Variants in OPA1 observed in about 807,000 individuals in gnomAD.
OPA1 encodes the protein dynamin-like GTPase OPA1, mitochondrial.
OPA1 carries 59 observed loss-of-function variants against 152.9 expected under a neutral mutation model. The observed-to-expected ratio is 0.39, with a 90% confidence interval of 0.31 to 0.48. The LOEUF (loss-of-function observed/expected upper bound fraction) is 0.48, where lower values mean the gene tolerates loss of function less well. Among genes scored for constraint, OPA1 ranks in the 20% least tolerant of loss-of-function variants. The pLI is 0.96. For missense variants in OPA1, 1,008 were observed against 1,216.8 expected (o/e 0.83, Z 2.55); for synonymous variants, 400 against 389.9 (o/e 1.03, Z -0.31).
At chr3:193,656,020 A>G (rs889106371) in intron 22 of OPA1, among the ~76,000 whole-genome samples, 3 of 152,108 alleles carry the variant, frequency 2.0e-5, no homozygotes, top group Admixed American at 1.3e-4. Context: ...GAACTCCAGC[A>G]GCCTCCCTGC....
chr3:193,687,459 A>C (rs1721072050), intron 29 of OPA1, among the ~76,000 whole-genome samples: 1 of 152,204 alleles, frequency 6.6e-6, no homozygotes, highest in Admixed American at 6.5e-5. Flanking sequence ...GTAAATCACA[A>C]ATTTTATTCT....
intron 1 of OPA1, among the ~76,000 whole-genome samples, chr3:193,605,520 T>C (rs1727119721): frequency 6.6e-6 from 1 of 152,238 alleles, no homozygotes; most frequent in Non-Finnish European, 1.5e-5. Flanking sequence ...TTCTACACTT[T>C]TAATTCTTCC....
intron 6 of OPA1, among the ~76,000 whole-genome samples, chr3:193,623,563 C>T (rs1730538358): frequency 6.6e-6 from 1 of 151,970 alleles, no homozygotes; most frequent in African/African-American, 2.4e-5. Context: ...GTCAAACTGA[C>T]AATAGCCAGG....
intron 1 of OPA1, among the ~76,000 whole-genome samples, chr3:193,593,883 T>C (rs2108758616): frequency 1.3e-5 from 2 of 152,190 alleles, no homozygotes; most frequent in South Asian, 4.2e-4. Context: ...TGGGCTCTTC[T>C]ATCGGGGAAA....
At position 193,643,115 on chromosome 3, in the gene OPA1, C is replaced by A. The variant is rs1734026310; in HGVS notation, c.1305+66C>A. 4 of 1,340,176 alleles carry A rather than the reference C, an allele frequency of 3.0e-6. No individual in the cohort carries two copies. The South Asian group carries it at 3.6e-5, about 12-fold the overall frequency. The allele number at this position is 1,340,176 out of a possible 1,614,324, so 83.0% of individuals were successfully genotyped here. Reference sequence around the variant, plus strand: ...TAAATGTTTATGATTTCAAATAAATCAAAATCTAGGTATTGATGTTTAGAT... The same window carrying A: ...TAAATGTTTATGATTTCAAATAAATAAAAATCTAGGTATTGATGTTTAGAT... On this transcript the variant is annotated intron_variant, in intron 13 of 30. Coordinates refer to ENST00000361510, the MANE Select transcript of OPA1 (RefSeq NM_130837.3).
chr3:193,617,729 G>A, intron 4 of OPA1, 55 bp from the exon 5 acceptor site: 1 of 1,291,840 alleles, frequency 7.7e-7, no homozygotes. Flanking sequence ...ATCTTTGTTT[G>A]CTCATTTCTG....
At chr3:193,679,272 GA>G (rs200112005) in intron 29 of OPA1, among the ~76,000 whole-genome samples, 32 of 136,250 alleles carry the variant, frequency 2.3e-4, no homozygotes, top group Non-Finnish European at 3.0e-4. Context: ...AAATAACGGG[GA>G]AAAAAAAGGT....
At chr3:193,643,886 T>G (rs1458380139) in intron 15 of OPA1, 89 bp from the exon 16 acceptor site, 32 of 1,346,928 alleles carry the variant, frequency 2.4e-5, no homozygotes, top group Admixed American at 5.4e-5. Context: ...CTTGCTATAA[T>G]GTAGACACAG....
chr3:193,595,491 A>G (rs1437803292), intron 1 of OPA1, among the ~76,000 whole-genome samples: 3 of 152,214 alleles, frequency 2.0e-5, no homozygotes, highest in African/African-American at 7.2e-5. Context: ...TATATTCAAA[A>G]TTCTTTTCCT....
chr3:193,658,526 G>A (rs1329901060), intron 23 of OPA1, among the ~76,000 whole-genome samples: 2 of 152,072 alleles, frequency 1.3e-5, no homozygotes, highest in South Asian at 2.1e-4. Flanking sequence ...GGCAAAAAGC[G>A]ATGAACATGA....
intron 29 of OPA1, among the ~76,000 whole-genome samples, chr3:193,688,907 G>A: frequency 6.6e-6 from 1 of 152,160 alleles, no homozygotes; most frequent in Admixed American, 6.5e-5. Context: ...AATCGCTTGA[G>A]CCTGGGAGGT....
intron 26 of OPA1, among the ~76,000 whole-genome samples, 162 bp from the exon 27 acceptor site, chr3:193,664,718 A>T (rs1716118409): frequency 6.6e-6 from 1 of 152,130 alleles, no homozygotes; most frequent in African/African-American, 2.4e-5. Context: ...GCCTTAAAAA[A>T]AGTAAGTGAA....
At chr3:193,631,747 T>G (rs1226091558) in intron 8 of OPA1, 82 bp downstream of exon 8, 4 of 1,194,070 alleles carry the variant, frequency 3.3e-6, no homozygotes, top group Non-Finnish European at 5.0e-6. Context: ...CATTTATTTT[T>G]TCAACAGAGC....
chr3:193,692,508 TAGAA>T (rs1250598798), intron 30 of OPA1, among the ~76,000 whole-genome samples: 1 of 152,244 alleles, frequency 6.6e-6, no homozygotes. Flanking sequence ...ATATTTAACT[TAGAA>T]AGTTTTCTGT....
At chr3:193,597,572 T>C (rs1030441137) in intron 1 of OPA1, among the ~76,000 whole-genome samples, 5 of 151,048 alleles carry the variant, frequency 3.3e-5, no homozygotes, top group African/African-American at 1.2e-4. Context: ...GTCCCTGTAA[T>C]CCCAGCTACT....
At chr3:193,618,696 TGCACAGG>T in intron 5 of OPA1, 166 bp from the exon 6 acceptor site, 1 of 604,500 alleles carries the variant, frequency 1.7e-6, no homozygotes, top group South Asian at 1.9e-5. Context: ...TTTTATTTTC[TGCACAGG>T]TTATCAGTCA....
intron 22 of OPA1, 70 bp from the exon 23 acceptor site, chr3:193,657,008 CGT>C: frequency 7.6e-7 from 1 of 1,319,210 alleles, no homozygotes; most frequent in South Asian, 1.4e-5. Context: ...GGCTTGAGCT[CGT>C]GTTATTTTTC....
At chr3:193,692,241 T>C in intron 30 of OPA1, 109 bp downstream of exon 30, 1 of 687,798 alleles carries the variant, frequency 1.5e-6, no homozygotes, top group Non-Finnish European at 2.6e-6. Context: ...ACTTATGCTG[T>C]AATTTCAATG....
intron 1 of OPA1, among the ~76,000 whole-genome samples, chr3:193,611,726 G>A (rs1728278911): frequency 6.6e-6 from 1 of 151,722 alleles, no homozygotes; most frequent in Admixed American, 6.6e-5. Flanking sequence ...TATAAGTAAA[G>A]CAGTTAATGC....
Sources: gnomAD v4.1 joint callset for allele counts (sites outside exome capture counted in the v4.1 genomes callset) on GRCh38, gnomAD v4.1.1 for gene constraint, MANE v1.5 for transcripts, NCBI Gene and HGNC (gene_info 2026-07-23, HGNC 2026-07-21) for gene names.